The following RNF17 variants were observed in gnomAD, a reference collection of about 807,000 sequenced individuals.
RNF17 encodes the protein ring finger protein 17.
Under a neutral mutation model 200.5 loss-of-function variants are expected in RNF17, and 31 were observed. The ratio of observed to expected loss-of-function variants is 0.15; its 90% CI spans 0.12 to 0.21. The LOEUF (loss-of-function observed/expected upper bound fraction) is 0.21. RNF17 is among the 10% of genes least tolerant of loss of function. The pLI is 1.00. For missense variants in RNF17, 1,628 were observed against 1,905.1 expected, an observed-to-expected ratio of 0.85 and a Z score of 2.71; for synonymous variants, 606 against 637.8, an observed-to-expected ratio of 0.95 and a Z score of 0.75.
chr13:24,752,467 A>G, the RNF17 span, among the ~76,000 whole-genome samples: 173 of 152,374 alleles, frequency 1.1e-3, no homozygotes, highest in African/African-American at 3.8e-3. Flanking sequence ...GTCCAAGAAA[A>G]TGAGCCTGGT....
chr13:24,814,542 T>C (rs1158152450), intron 15 of RNF17, among the ~76,000 whole-genome samples: 1 of 152,248 alleles, frequency 6.6e-6, no homozygotes, highest in Non-Finnish European at 1.5e-5. Context: ...GAGTTAATTT[T>C]GTACAAAGTA....
At chr13:24,794,166 G>C (rs896523529) in intron 10 of RNF17, 1 of 455,910 alleles carries the variant, frequency 2.2e-6, no homozygotes, top group Non-Finnish European at 4.4e-6. Context: ...ATGCGGCACA[G>C]ATGATCTTGG....
At chr13:24,836,120 A>G (rs1276216371) in intron 18 of RNF17, among the ~76,000 whole-genome samples, 1 of 152,212 alleles carries the variant, frequency 6.6e-6, no homozygotes, top group African/African-American at 2.4e-5. Flanking sequence ...AAAAGAAAAT[A>G]TGAACAAAGC....
rs1892240829 is a variant in RNF17 at position 24,854,271 on chromosome 13, A to G, written c.3610+127A>G. 2.1e-5 allele frequency: 14 copies of G among 664,058 alleles called. No individual in the cohort carries two copies. In the South Asian group the frequency reaches 2.7e-4, roughly 13 times the overall value. The allele number at this position is 664,058 out of a possible 1,614,324, so 41.1% of individuals were successfully genotyped here. A position where few individuals can be genotyped will look rare whatever the true frequency, so the allele number is the denominator to read the frequency against. The stretch of plus-strand genomic sequence containing the variant: ...TAGGAGGATTAAATGATTTCACACA[A>G]TGCATGCAAAGTGCTTTTAATAATG... On this transcript the variant is annotated intron_variant, in intron 25 of 35. Transcript: ENST00000255324.
At chr13:24,875,207 T>G (rs1894724448) in intron 33 of RNF17, among the ~76,000 whole-genome samples, 1 of 152,238 alleles carries the variant, frequency 6.6e-6, no homozygotes, top group African/African-American at 2.4e-5. Context: ...AAGTGCAACG[T>G]GAATTCTGCT....
chr13:24,850,083 A>T (rs369879990), intron 22 of RNF17, among the ~76,000 whole-genome samples: 1 of 152,160 alleles, frequency 6.6e-6, no homozygotes, highest in Non-Finnish European at 1.5e-5. Context: ...CAGCTCCTCA[A>T]TGTAGCTGCA....
intron 26 of RNF17, among the ~76,000 whole-genome samples, chr13:24,860,485 C>T (rs1440604944): frequency 2.0e-5 from 3 of 152,022 alleles, no homozygotes; most frequent in Middle Eastern, 3.2e-3. Context: ...ATAAATGTCT[C>T]GTGAAACCAT....
At chr13:24,774,013 A>G (rs1881190329) in intron 2 of RNF17, among the ~76,000 whole-genome samples, 1 of 152,180 alleles carries the variant, frequency 6.6e-6, no homozygotes, top group Non-Finnish European at 1.5e-5. Flanking sequence ...TTCTCAGAAA[A>G]AAGTCAACCA....
intron 13 of RNF17, among the ~76,000 whole-genome samples, chr13:24,801,142 C>A (rs1885202623): frequency 6.6e-6 from 1 of 152,140 alleles, no homozygotes; most frequent in Non-Finnish European, 1.5e-5. Flanking sequence ...ACAAAAATAG[C>A]AGCACTGGTG....
intron 23 of RNF17, among the ~76,000 whole-genome samples, chr13:24,850,725 A>T (rs773396588): frequency 2.6e-5 from 4 of 152,108 alleles, no homozygotes; most frequent in Non-Finnish European, 5.9e-5. Flanking sequence ...ACCTTTTTCC[A>T]TATGAAGCAG....
chr13:24,877,387 TAAC>T (rs1894973022), intron 34 of RNF17, among the ~76,000 whole-genome samples: 1 of 152,186 alleles, frequency 6.6e-6, no homozygotes. Flanking sequence ...AGTTTATATT[TAAC>T]AAACTGCTTA....
chr13:24,874,558 C>T (rs537443329), intron 33 of RNF17, among the ~76,000 whole-genome samples: 3 of 151,844 alleles, frequency 2.0e-5, no homozygotes, highest in South Asian at 4.2e-4. Context: ...TACAGGTGCC[C>T]GCCACCATCC....
intron 25 of RNF17, among the ~76,000 whole-genome samples, chr13:24,855,145 T>A (rs1892334139): frequency 6.6e-6 from 1 of 152,230 alleles, no homozygotes; most frequent in South Asian, 2.1e-4. Context: ...CATTTCACTA[T>A]ATTTCATTCA....
intron 10 of RNF17, chr13:24,794,425 G>C (rs2137666794): frequency 3.2e-6 from 1 of 307,898 alleles, no homozygotes; most frequent in Middle Eastern, 1.2e-3. Flanking sequence ...TGTAATCCCA[G>C]CACTTTGTGA....
intron 23 of RNF17, 37 bp from the exon 24 acceptor site, chr13:24,851,419 G>A: frequency 7.6e-7 from 1 of 1,309,460 alleles, no homozygotes; most frequent in Non-Finnish European, 1.1e-6. Context: ...ATTTCATTTT[G>A]GTGTTTCATA....
intron 6 of RNF17, among the ~76,000 whole-genome samples, chr13:24,782,260 C>T (rs1312611015): frequency 6.6e-6 from 1 of 152,072 alleles, no homozygotes; most frequent in Non-Finnish European, 1.5e-5. Context: ...ACTGCAGCCT[C>T]AAACTCCTGG....
At chr13:24,807,864 G>A (rs1886083089) in intron 15 of RNF17, among the ~76,000 whole-genome samples, 1 of 151,290 alleles carries the variant, frequency 6.6e-6, no homozygotes, top group South Asian at 2.1e-4. Flanking sequence ...TTCTACATAT[G>A]GCTAGCCAGT....
At chr13:24,853,787 T>C in intron 24 of RNF17, 68 bp from the exon 25 acceptor site, 1 of 1,189,118 alleles carries the variant, frequency 8.4e-7, no homozygotes, top group Non-Finnish European at 1.2e-6. Context: ...AATGATTCTT[T>C]TTATGTTGTT....
rs2138497085 is a variant in RNF17 at position 24,879,049 on chromosome 13, C to G, written c.4774-138C>G. 4.9e-6 allele frequency: 3 copies of G among 610,266 alleles called. No homozygotes were observed. In the East Asian group the frequency reaches 8.4e-5, roughly 17 times the overall value. 37.8% of individuals were successfully genotyped at this position (610,266 alleles called of 1,614,324 possible). ...TTTTGCAGGAAACCACTACAGATGCCTTTTGGAAGCATAGAGCATAAATTA... is the reference window on the plus strand; with the variant it reads ...TTTTGCAGGAAACCACTACAGATGCGTTTTGGAAGCATAGAGCATAAATTA... On this transcript the variant is annotated intron_variant, in intron 34 of 35. Coordinates refer to ENST00000255324, the MANE Select transcript of RNF17 (RefSeq NM_031277.3).
Sources: gnomAD v4.1 joint callset for allele counts (sites outside exome capture counted in the v4.1 genomes callset) on GRCh38, gnomAD v4.1.1 for gene constraint, MANE v1.5 for transcripts, NCBI Gene and HGNC (gene_info 2026-07-23, HGNC 2026-07-21) for gene names.